The following FHOD3 variants were observed in gnomAD, a reference collection of about 807,000 sequenced individuals.
FHOD3 encodes the protein formin homology 2 domain containing 3.
A neutral mutation model predicts 173.0 loss-of-function variants in FHOD3; 90 were observed. The ratio of observed to expected loss-of-function variants is 0.52; its 90% confidence interval spans 0.44 to 0.62. FHOD3 has a LOEUF of 0.62. FHOD3 is among the 20% of genes least tolerant of loss of function. The probability of loss-of-function intolerance (pLI) is 0.00; values close to 1 mark genes in which losing one functional copy is unlikely to be tolerated. For synonymous variants in FHOD3, 828 were observed against 823.0 expected, an observed-to-expected ratio of 1.01 and a Z score of -0.10; for missense variants, 1,945 against 2,034.7, an observed-to-expected ratio of 0.96 and a Z score of 0.85.
chr18:36,570,863 T>G (rs1252340386), intron 5 of FHOD3, among the ~76,000 whole-genome samples: 2 of 152,104 alleles, frequency 1.3e-5, no homozygotes, highest in African/African-American at 4.8e-5. Flanking sequence ...TGGAGAAACT[T>G]TCTCATCTTG....
chr18:36,362,326 T>C (rs1420549655), intron 2 of FHOD3, among the ~76,000 whole-genome samples: 1 of 152,114 alleles, frequency 6.6e-6, no homozygotes, highest in Non-Finnish European at 1.5e-5. Flanking sequence ...GGAGCCATGG[T>C]GCCAGCTCGT....
At chr18:36,729,390 A>C (rs940229986) in intron 19 of FHOD3, among the ~76,000 whole-genome samples, 1 of 152,218 alleles carries the variant, frequency 6.6e-6, no homozygotes, top group Non-Finnish European at 1.5e-5. Flanking sequence ...TTGTGGTCAC[A>C]GCTCTGGCCA....
intron 1 of FHOD3, among the ~76,000 whole-genome samples, chr18:36,343,722 G>T (rs2045743157): frequency 2.0e-5 from 3 of 152,150 alleles, no homozygotes. Context: ...TTCACCAGAT[G>T]CCCAGTCTTC....
chr18:36,379,403 C>T (rs1448184082), intron 3 of FHOD3, among the ~76,000 whole-genome samples: 2 of 152,128 alleles, frequency 1.3e-5, no homozygotes, highest in African/African-American at 4.8e-5. Flanking sequence ...TTATTTATTG[C>T]TTCTTTAGGA....
intron 1 of FHOD3, among the ~76,000 whole-genome samples, chr18:36,298,232 G>A (rs1347403408): frequency 6.6e-6 from 1 of 152,012 alleles, no homozygotes; most frequent in Non-Finnish European, 1.5e-5. Flanking sequence ...AGCCGGGGGC[G>A]GGCGTGGCAG....
At chr18:36,330,972 GAC>G (rs1368372041) in intron 1 of FHOD3, among the ~76,000 whole-genome samples, 1 of 152,148 alleles carries the variant, frequency 6.6e-6, no homozygotes, top group Non-Finnish European at 1.5e-5. Flanking sequence ...CTTTAGATGA[GAC>G]ATTCCTTGCT....
At chr18:36,370,253 A>G (rs2047114600) in intron 2 of FHOD3, among the ~76,000 whole-genome samples, 1 of 152,166 alleles carries the variant, frequency 6.6e-6, no homozygotes, top group African/African-American at 2.4e-5. Flanking sequence ...TTTTGTGTAC[A>G]GCAGAAGATA....
chr18:36,332,871 A>G (rs549433913), intron 1 of FHOD3, among the ~76,000 whole-genome samples: 1 of 152,216 alleles, frequency 6.6e-6, no homozygotes, highest in Non-Finnish European at 1.5e-5. Flanking sequence ...CATCTTCCCA[A>G]TCCCTTACCC....
chr18:36,670,373 G>A (rs1253009034), intron 14 of FHOD3, among the ~76,000 whole-genome samples: 2 of 151,690 alleles, frequency 1.3e-5, no homozygotes, highest in African/African-American at 4.8e-5. Flanking sequence ...ATGTATATTG[G>A]GTCATTTGAA....
Position 36,747,192 on chromosome 18 carries a change from G to A in FHOD3, c.4232+57G>A, listed in dbSNP as rs534494684. Reference sequence around the variant, plus strand: ...AGTACAATGGCATATTGAAAAATTTGTACTGGAAATTAAGAGCCGATGGTT... The same window carrying A: ...AGTACAATGGCATATTGAAAAATTTATACTGGAAATTAAGAGCCGATGGTT... On this transcript the variant is annotated intron_variant, in intron 24 of 28. Coordinates refer to ENST00000590592, the MANE Select transcript of FHOD3 (RefSeq NM_001281740.3). 139 of 1,397,328 alleles carry A rather than the reference G, an allele frequency of 9.9e-5. No individual in the cohort carries two copies. The African/African-American group carries it at 1.6e-3, about 16-fold the overall frequency. 86.6% of individuals were successfully genotyped at this position (1,397,328 alleles called of 1,614,324 possible).
chr18:36,421,053 G>A (rs552862760), intron 3 of FHOD3, among the ~76,000 whole-genome samples: 1 of 152,338 alleles, frequency 6.6e-6, no homozygotes, highest in Admixed American at 6.5e-5. Context: ...TCAGGAAAGA[G>A]TGTCAGAGGT....
chr18:36,566,321 TA>T (rs1055144142), intron 5 of FHOD3, among the ~76,000 whole-genome samples: 26 of 152,236 alleles, frequency 1.7e-4, no homozygotes, highest in African/African-American at 5.8e-4. Context: ...TAAACATTTT[TA>T]AAAAATCAAG....
intron 1 of FHOD3, among the ~76,000 whole-genome samples, chr18:36,309,504 A>C (rs2092196165): frequency 6.6e-6 from 1 of 152,088 alleles, no homozygotes; most frequent in Admixed American, 6.5e-5. Context: ...CCTTGGAGGG[A>C]TCTGTTACTC....
intron 10 of FHOD3, among the ~76,000 whole-genome samples, chr18:36,639,396 G>A (rs2035123292): frequency 6.6e-6 from 1 of 152,158 alleles, no homozygotes. Context: ...AAAAAGGCAG[G>A]GTGTGGTGGC....
At chr18:36,742,342 G>A (rs912317671) in intron 21 of FHOD3, among the ~76,000 whole-genome samples, 1 of 152,136 alleles carries the variant, frequency 6.6e-6, no homozygotes, top group African/African-American at 2.4e-5. Flanking sequence ...CAGGGACATC[G>A]AGCGCACAAC....
chr18:36,355,380 G>T (rs1362037326), intron 1 of FHOD3, among the ~76,000 whole-genome samples, 159 bp from the exon 2 acceptor site: 4 of 152,150 alleles, frequency 2.6e-5, no homozygotes, highest in African/African-American at 9.7e-5. Flanking sequence ...GATTGTTCCC[G>T]ATCTATTTGC....
chr18:36,389,741 A>C (rs2048206063), intron 3 of FHOD3, among the ~76,000 whole-genome samples: 1 of 152,162 alleles, frequency 6.6e-6, no homozygotes, highest in Non-Finnish European at 1.5e-5. Context: ...CAGAGAGAGC[A>C]GGGAATTCCC....
At position 36,535,306 on chromosome 18, in the gene FHOD3, C is replaced by G. The variant is rs569972279; in HGVS notation, c.511+22763C>G. Among the ~76,000 whole-genome samples, 28 of 152,318 alleles carry G rather than the reference C, an allele frequency of 1.8e-4. No individual in the cohort carries two copies. In the East Asian group the frequency reaches 2.1e-3, roughly 12 times the overall value. ...TGAGTCCTTAGACTGAGGTTCTTCA[C>G]CCTGTCTGCCCCTGGAGCTGCAAGC... On this transcript the variant is annotated intron_variant, in intron 5 of 28. Transcript: ENST00000590592.
At chr18:36,577,682 A>G (rs1349396506) in intron 6 of FHOD3, among the ~76,000 whole-genome samples, 7 of 152,212 alleles carry the variant, frequency 4.6e-5, no homozygotes, top group Non-Finnish European at 8.8e-5. Context: ...CCCATTTGGT[A>G]GTTGAGGAAA....
Sources: gnomAD v4.1 joint callset for allele counts (sites outside exome capture counted in the v4.1 genomes callset) on GRCh38, gnomAD v4.1.1 for gene constraint, MANE v1.5 for transcripts, NCBI Gene and HGNC (gene_info 2026-07-23, HGNC 2026-07-21) for gene names.